Variants in PRICKLE1 observed in about 807,000 individuals in gnomAD.
PRICKLE1 encodes prickle-like protein 1.
In PRICKLE1, 14 loss-of-function variants were observed where a neutral mutation model predicts 70.2. The ratio of observed to expected loss-of-function variants is 0.20; its 90% CI spans 0.13 to 0.31. PRICKLE1 has a LOEUF of 0.31. PRICKLE1 is among the 10% of genes least tolerant of loss of function. The pLI is 1.00. For synonymous variants in PRICKLE1, 357 were observed against 379.9 expected, an observed-to-expected ratio of 0.94 and a Z score of 0.70; for missense variants, 821 against 1,026.2, an observed-to-expected ratio of 0.80 and a Z score of 2.73.
chr12:42,460,705 C>T (rs1313238329), intron 7 of PRICKLE1, 40 bp from the exon 8 acceptor site: 2 of 1,599,774 alleles, frequency 1.3e-6, no homozygotes, highest in Non-Finnish European at 1.7e-6. Context: ...TCTCAATCAT[C>T]CTAATATTCG....
chr12:42,565,921 A>C (rs1940614035), intron 1 of PRICKLE1, among the ~76,000 whole-genome samples: 1 of 152,172 alleles, frequency 6.6e-6, no homozygotes, highest in Non-Finnish European at 1.5e-5. Flanking sequence ...TCCTAAAATG[A>C]GCCAGAACAA....
intron 1 of PRICKLE1, among the ~76,000 whole-genome samples, chr12:42,556,321 C>T (rs11611916): frequency 0.22 from 32,919 of 152,174 alleles, 4,589 homozygotes; most frequent in East Asian, 0.42. Flanking sequence ...TTGCCCCATT[C>T]CATCACAAGA....
At position 42,580,213 on chromosome 12, in the gene PRICKLE1, A is replaced by AT. The variant is rs1313332970; in HGVS notation, c.-49+9251dup. ...AAAACCTTTACAGTGATTTGACCAG[A>AT]TTATATTTCTTAAACTGACATAGAA... is the stretch of plus-strand genomic sequence containing the variant. On this transcript the variant is annotated intron_variant, in intron 1 of 7. Transcript: ENST00000345127. 1.3e-4 allele frequency among the ~76,000 whole-genome samples: 20 copies of AT among 152,150 alleles called. 1 individual carries two copies. The highest frequency in any genetic ancestry group is 1.3e-3 in the Admixed American group (20 of 15,268).
chr12:42,543,165 A>G (rs1220418196), intron 1 of PRICKLE1, among the ~76,000 whole-genome samples: 3 of 152,208 alleles, frequency 2.0e-5, no homozygotes, highest in South Asian at 2.1e-4. Context: ...TAAGCCAGCC[A>G]GCCCAAGGTG....
chr12:42,540,076 TTTTG>T (rs1384376395), intron 1 of PRICKLE1, among the ~76,000 whole-genome samples: 2 of 152,250 alleles, frequency 1.3e-5, no homozygotes, highest in East Asian at 1.9e-4. Flanking sequence ...ACCTCCCTGG[TTTTG>T]TTTAAGATGG....
At chr12:42,503,601 G>C (rs1420373742) in intron 1 of PRICKLE1, among the ~76,000 whole-genome samples, 2 of 152,134 alleles carry the variant, frequency 1.3e-5, no homozygotes, top group Non-Finnish European at 2.9e-5. Context: ...ACAAACAAGA[G>C]CCACTGACTT....
intron 1 of PRICKLE1, among the ~76,000 whole-genome samples, chr12:42,547,782 G>C (rs900781186): frequency 6.6e-6 from 1 of 152,136 alleles, no homozygotes; most frequent in Non-Finnish European, 1.5e-5. Flanking sequence ...GTTAATTTAC[G>C]AGAGGAAAAT....
intron 1 of PRICKLE1, among the ~76,000 whole-genome samples, chr12:42,485,135 G>A (rs1290957511): frequency 6.6e-6 from 1 of 150,618 alleles, no homozygotes; most frequent in Non-Finnish European, 1.5e-5. Flanking sequence ...CATTGTAACT[G>A]TGATTTAAAA....
chr12:42,460,345 C>T lies in PRICKLE1; in HGVS notation c.1960G>A (p.Glu654Lys), dbSNP rs1555229356. ...TTGTAGACGCGTCTCCGAGTCCTTT[C>T]ACTCATCGGAGGCTGCCGGATTTCA... The part of the protein sequence containing the change: ...DIEIRQPPMS[E>K]RTRRRVYNFE... Residue 654 changes from glutamate to lysine, a missense_variant, in exon 8 of 8, where the codon GAA (glutamate) becomes AAA (lysine). Glu to Lys is a moderately conservative substitution (Grantham distance 56, BLOSUM62 1). Transcript: ENST00000345127. 1.2e-6 allele frequency: 2 copies of T among 1,614,154 alleles called. No homozygotes were observed. Among genetic ancestry groups the T allele is most frequent in the Non-Finnish European group, 1.7e-6 (2 of 1,180,016 alleles).
At chr12:42,553,307 G>A (rs1250874467) in intron 1 of PRICKLE1, among the ~76,000 whole-genome samples, 2 of 152,036 alleles carry the variant, frequency 1.3e-5, no homozygotes, top group Admixed American at 6.6e-5. Flanking sequence ...AGCCGGGCGT[G>A]GTAGCGGGCA....
intron 1 of PRICKLE1, among the ~76,000 whole-genome samples, chr12:42,513,071 TTC>T (rs1363481231): frequency 1.3e-5 from 2 of 152,138 alleles, no homozygotes; most frequent in Non-Finnish European, 2.9e-5. Flanking sequence ...GTTCAAGCAA[TTC>T]TCTTGCCTCA....
In PRICKLE1 at chr12:42,549,563, A is replaced by T. The variant is rs116449631; in HGVS notation, c.-49+39902T>A. On this transcript the variant is annotated intron_variant, in intron 1 of 7. Transcript: ENST00000345127. ...GACTCAAAGGCACCACACATTCCCTATCTCTAGAATGCACAAGCCTCCTCC... is the reference window on the plus strand; with the variant it reads ...GACTCAAAGGCACCACACATTCCCTTTCTCTAGAATGCACAAGCCTCCTCC... 4.7e-4 allele frequency among the ~76,000 whole-genome samples: 71 copies of T among 152,008 alleles called. No homozygotes were observed. The Middle Eastern group carries it at 0.01, about 22-fold the overall frequency.
At chr12:42,516,514 GTATCTCT>G (rs1388655595) in intron 1 of PRICKLE1, among the ~76,000 whole-genome samples, 7 of 152,174 alleles carry the variant, frequency 4.6e-5, no homozygotes, top group Admixed American at 3.9e-4. Flanking sequence ...TGTTTACAGG[GTATCTCT>G]TCTTTCTCAG....
Position 42,471,792 on chromosome 12 carries a change from T to C in PRICKLE1, c.132+593A>G, listed in dbSNP as rs75272534. On this transcript the variant is annotated intron_variant, in intron 2 of 7. Coordinates refer to ENST00000345127, the MANE Select transcript of PRICKLE1 (RefSeq NM_153026.3). ...ATATTGGGAAAATTAAATAGGCATATGGAATGTTCTCATCTTCCCTAAAAT... is the reference window on the plus strand; with the variant it reads ...ATATTGGGAAAATTAAATAGGCATACGGAATGTTCTCATCTTCCCTAAAAT... Among the ~76,000 whole-genome samples the C allele has an allele frequency of 5.8e-3, 886 of 152,352 alleles. 11 individuals are homozygous for C. The highest frequency in any genetic ancestry group is 0.02 in the African/African-American group (848 of 41,586).
intron 2 of PRICKLE1, among the ~76,000 whole-genome samples, 173 bp from the exon 3 acceptor site, chr12:42,470,532 C>G (rs976312882): frequency 3.3e-5 from 5 of 152,240 alleles, no homozygotes; most frequent in African/African-American, 1.2e-4. Context: ...TAGCACCCAG[C>G]TGCTAAATTG....
At chr12:42,569,020 A>G (rs1185904458) in intron 1 of PRICKLE1, among the ~76,000 whole-genome samples, 2 of 152,242 alleles carry the variant, frequency 1.3e-5, no homozygotes, top group African/African-American at 4.8e-5. Flanking sequence ...CACACCATAC[A>G]TACTAGTCTA....
At chr12:42,583,457 T>TC (rs1940937316) in intron 1 of PRICKLE1, among the ~76,000 whole-genome samples, 1 of 152,202 alleles carries the variant, frequency 6.6e-6, no homozygotes, top group African/African-American at 2.4e-5. Context: ...CTAAGCATCT[T>TC]TTGGTGGGCT....
At chr12:42,462,255 C>T (rs182046718) in intron 7 of PRICKLE1, among the ~76,000 whole-genome samples, 1 of 151,910 alleles carries the variant, frequency 6.6e-6, no homozygotes, top group East Asian at 1.9e-4. Context: ...GGCTGGAGTG[C>T]AGTGGTATGA....
chr12:42,476,697 G>A (rs532806287), intron 1 of PRICKLE1, among the ~76,000 whole-genome samples: 5 of 152,122 alleles, frequency 3.3e-5, no homozygotes, highest in Non-Finnish European at 5.9e-5. Flanking sequence ...CCAGGCTGGA[G>A]TGCAGTGGCA....
Sources: gnomAD v4.1 joint callset for allele counts (sites outside exome capture counted in the v4.1 genomes callset) on GRCh38, gnomAD v4.1.1 for gene constraint, MANE v1.5 for transcripts, NCBI Gene and HGNC (gene_info 2026-07-23, HGNC 2026-07-21) for gene names.